Variants in CIT observed in about 807,000 individuals in gnomAD.
CIT encodes citron rho-interacting serine/threonine kinase, also known as citron Rho-interacting kinase.
A neutral mutation model predicts 272.7 loss-of-function variants in CIT; 79 were observed. The observed-to-expected ratio is 0.29, with a 90% CI of 0.24 to 0.35. CIT has a LOEUF of 0.35. Among genes scored for constraint, CIT ranks in the 10% least tolerant of loss-of-function variants. The pLI is 1.00. For synonymous variants in CIT, 948 were observed against 995.6 expected (o/e 0.95, Z 0.90); for missense variants, 1,909 against 2,618.3 (o/e 0.73, Z 5.91).
At chr12:119,748,123 C>G (rs1252184901) in intron 23 of CIT, among the ~76,000 whole-genome samples, 2 of 152,060 alleles carry the variant, frequency 1.3e-5, no homozygotes, top group Non-Finnish European at 1.5e-5. Flanking sequence ...TGACATTGCA[C>G]CACTGCACTC....
intron 10 of CIT, among the ~76,000 whole-genome samples, chr12:119,787,947 T>C (rs1291637192): frequency 6.6e-6 from 1 of 152,154 alleles, no homozygotes; most frequent in Non-Finnish European, 1.5e-5. Context: ...GTTCGACAAA[T>C]GTCACCTGTT....
intron 9 of CIT, among the ~76,000 whole-genome samples, chr12:119,817,939 A>G (rs1164537444): frequency 6.6e-6 from 1 of 152,146 alleles, no homozygotes; most frequent in Middle Eastern, 3.2e-3. Flanking sequence ...CAATTCCTGC[A>G]ATTCCAAATG....
In CIT at chr12:119,712,732, A is replaced by AGAACAG. The variant is rs1352892771; in HGVS notation, c.4580-43_4580-38dup. 2 of 1,544,550 alleles carry AGAACAG rather than the reference A, an allele frequency of 1.3e-6. No homozygotes were observed. The highest frequency in any genetic ancestry group is 2.2e-5 in the South Asian group (2 of 89,536). On this transcript the variant is annotated intron_variant, in intron 35 of 47. Transcript: ENST00000392521. The surrounding 1 kb of genome is among the most constrained non-coding windows in gnomAD (Gnocchi z 5.2). ...GAGGAAGGGCAGAAAGAAAAACAAA[A>AGAACAG]GAACAGGAACAAGAACAAGGGGAGA...
At position 119,730,506 on chromosome 12, in the gene CIT, G is replaced by A. The variant is rs1958377930; in HGVS notation, c.3475C>T (p.Leu1159Phe). The A allele has an allele frequency of 6.2e-7, 1 of 1,612,574 alleles. No individual in the cohort carries two copies. The highest frequency in any genetic ancestry group is 1.3e-5 in the African/African-American group (1 of 74,934). Residue 1159 changes from leucine (L) to phenylalanine (F), a missense_variant, in exon 27 of 48, where the codon CTC becomes TTC. Transcript: ENST00000392521. ...GGGTGGGCGCTGACCTTGTCAGAGA[G>A]GCTCTCGGCCTTCAGCTTCTGCTCT... ...LKEQKLKAES[L>F]SDKLNDLEKK...
chr12:119,738,618 T>C (rs1056546698), intron 24 of CIT, among the ~76,000 whole-genome samples: 2 of 151,652 alleles, frequency 1.3e-5, no homozygotes, highest in Non-Finnish European at 2.9e-5. Flanking sequence ...ACGTGGTGGC[T>C]CACACCTGTA....
At chr12:119,852,483 G>A (rs1370698539) in intron 4 of CIT, among the ~76,000 whole-genome samples, 1 of 152,186 alleles carries the variant, frequency 6.6e-6, no homozygotes, top group Non-Finnish European at 1.5e-5. Flanking sequence ...GGAGGCCAAG[G>A]CGGGCGGATC....
intron 17 of CIT, among the ~76,000 whole-genome samples, chr12:119,772,525 G>A (rs1052620560): frequency 6.6e-6 from 1 of 152,188 alleles, no homozygotes; most frequent in Non-Finnish European, 1.5e-5. Flanking sequence ...TTAGTGGGTA[G>A]GTCAGAGGAA....
Position 119,713,737 on chromosome 12 carries a change from A to G in CIT, c.4307-89T>C, listed in dbSNP as rs1465733533. 7.1e-6 allele frequency: 10 copies of G among 1,404,780 alleles called. No individual in the cohort carries two copies. The highest frequency in any genetic ancestry group is 1.0e-5 in the Non-Finnish European group (10 of 995,690). The allele number at this position is 1,404,780 out of a possible 1,614,324, so 87.0% of individuals were successfully genotyped here. ...TGCCAGCCAACGCCTGGGCTTCTCTACCCCAGCCGGGCCCAGAGAGTCTGG... is the reference window on the plus strand; with the variant it reads ...TGCCAGCCAACGCCTGGGCTTCTCTGCCCCAGCCGGGCCCAGAGAGTCTGG... On this transcript the variant is annotated intron_variant, in intron 33 of 47. Coordinates refer to ENST00000392521, the MANE Select transcript of CIT (RefSeq NM_001206999.2). The surrounding 1 kb of genome is among the most constrained non-coding windows in gnomAD (Gnocchi z 5.2).
intron 41 of CIT, 29 bp downstream of exon 41, chr12:119,704,334 G>T (rs367795177): frequency 6.2e-7 from 1 of 1,604,760 alleles, no homozygotes; most frequent in Non-Finnish European, 8.5e-7. Flanking sequence ...GCTTTCCCAC[G>T]TTCAACCAAG....
At chr12:119,862,306 C>T (rs1024580709) in intron 3 of CIT, among the ~76,000 whole-genome samples, 1 of 151,970 alleles carries the variant, frequency 6.6e-6, no homozygotes, top group Non-Finnish European at 1.5e-5. Context: ...CCTTGGGGTA[C>T]GTTTTTAAAT....
intron 4 of CIT, among the ~76,000 whole-genome samples, chr12:119,855,045 G>T (rs1179037518): frequency 6.6e-6 from 1 of 152,136 alleles, no homozygotes; most frequent in East Asian, 1.9e-4. Context: ...GGTCGCTTAA[G>T]CCCAGGAGTT....
At position 119,735,361 on chromosome 12, in the gene CIT, A is replaced by T; in HGVS notation, c.2959-4T>A. ...GCTCCTCCAGGTCTGTGATTACCTA[A>T]AAGAGGAAAGGAATCCAGTTACACG... On this transcript the variant is annotated splice_polypyrimidine_tract_variant and splice_region_variant and intron_variant, in intron 24 of 47. Transcript: ENST00000392521. 6.2e-7 allele frequency: 1 copy of T among 1,613,994 alleles called. No homozygotes were observed. The highest frequency in any genetic ancestry group is 1.1e-5 in the South Asian group (1 of 91,080).
chr12:119,714,377 G>T, intron 32 of CIT, 43 bp from the exon 33 acceptor site: 1 of 1,607,926 alleles, frequency 6.2e-7, no homozygotes, highest in South Asian at 1.1e-5. Flanking sequence ...TACTGCAAAT[G>T]ATCCCATCAG....
At chr12:119,845,943 AACACAC>A (rs58381184) in intron 5 of CIT, among the ~76,000 whole-genome samples, 27 of 137,052 alleles carry the variant, frequency 2.0e-4, no homozygotes, top group East Asian at 1.7e-3. Flanking sequence ...TCCATCTCAA[AACACAC>A]ACACACACAC....
chr12:119,829,913 T>C (rs993700608), intron 7 of CIT, among the ~76,000 whole-genome samples: 1 of 152,004 alleles, frequency 6.6e-6, no homozygotes, highest in South Asian at 2.1e-4. Flanking sequence ...AGGGAAGGGA[T>C]TGATTGATTT....
intron 9 of CIT, among the ~76,000 whole-genome samples, chr12:119,813,326 T>C (rs1966876044): frequency 6.6e-6 from 1 of 152,230 alleles, no homozygotes; most frequent in Non-Finnish European, 1.5e-5. Context: ...TTATTTTCTC[T>C]GAAGTGAGAC....
chr12:119,757,279 T>C, intron 22 of CIT, 92 bp downstream of exon 22: 1 of 1,498,726 alleles, frequency 6.7e-7, no homozygotes, highest in Non-Finnish European at 9.1e-7. Flanking sequence ...ACAATGTCTC[T>C]TGTATAGATA....
At chr12:119,739,988 G>A (rs920416725) in intron 24 of CIT, among the ~76,000 whole-genome samples, 1 of 152,196 alleles carries the variant, frequency 6.6e-6, no homozygotes, top group African/African-American at 2.4e-5. Context: ...AAGAAACAGA[G>A]GCTTAGTAGG....
rs565071165 is a variant in CIT, at chr12:119,844,458, A to T, written c.516+5716T>A. 3.9e-5 allele frequency among the ~76,000 whole-genome samples: 6 copies of T among 152,310 alleles called. No homozygotes were observed. In the East Asian group the frequency reaches 1.2e-3, roughly 29 times the overall value. On this transcript the variant is annotated intron_variant, in intron 5 of 47. Transcript: ENST00000392521. Reference sequence around the variant, plus strand: ...AATAAAGACTAAAAAGAGCCTTAAGAGAGCTTGGATCAAGTTTTGCCAAAA... The same window carrying T: ...AATAAAGACTAAAAAGAGCCTTAAGTGAGCTTGGATCAAGTTTTGCCAAAA...
Sources: gnomAD v4.1 joint callset for allele counts (sites outside exome capture counted in the v4.1 genomes callset) on GRCh38, gnomAD v4.1.1 for gene constraint, Gnocchi (gnomAD v3.1) non-coding constraint, MANE v1.5 for transcripts, NCBI Gene and HGNC (gene_info 2026-07-23, HGNC 2026-07-21) for gene names.